ANO9: variants seen among roughly 807,000 people sequenced by gnomAD.
The protein encoded by ANO9 is anoctamin 9.
Under a neutral mutation model 100.5 loss-of-function variants are expected in ANO9, and 80 were observed. The observed-to-expected ratio is 0.80, with a 90% CI of 0.66 to 0.96. The LOEUF (loss-of-function observed/expected upper bound fraction) is 0.96, where lower values mean the gene tolerates loss of function less well. Ranked by LOEUF, ANO9 falls within the 40% of genes least tolerant of loss-of-function variation. The pLI, the probability that ANO9 is intolerant of heterozygous loss-of-function variation, is 0.00. For synonymous variants in ANO9, 473 were observed against 435.6 expected (o/e 1.09, Z -1.07); for missense variants, 1,064 against 1,072.7 (o/e 0.99, Z 0.11).
At position 432,211 on chromosome 11, in the gene ANO9, C is replaced by T; in HGVS notation, c.351-157G>A. On this transcript the variant is annotated intron_variant, in intron 4 of 22. Coordinates refer to ENST00000332826, the MANE Select transcript of ANO9 (RefSeq NM_001012302.3). The surrounding 1 kb of genome is among the most constrained non-coding windows in gnomAD (Gnocchi z 4.8). Reference sequence around the variant, plus strand: ...CCAGAGCCCAGAATCCACAACTCACCCGGGAGCCCACCCCGCACCCTCCTT... The same window carrying T: ...CCAGAGCCCAGAATCCACAACTCACTCGGGAGCCCACCCCGCACCCTCCTT... The T allele has an allele frequency of 1.3e-6, 1 of 768,016 alleles. No homozygotes were observed. The highest frequency in any genetic ancestry group is 2.5e-5 in the Admixed American group (1 of 39,410). The allele number at this position is 768,016 out of a possible 1,614,324, so 47.6% of individuals were successfully genotyped here.
In ANO9 at chr11:432,369, C is replaced by G. The variant is rs1017931338; in HGVS notation, c.351-315G>C. 4.4e-6 allele frequency: 2 copies of G among 455,562 alleles called. No homozygotes were observed. Among genetic ancestry groups the G allele is most frequent in the Non-Finnish European group, 8.1e-6 (2 of 246,896 alleles). The allele number at this position is 455,562 out of a possible 1,614,324, so 28.2% of individuals were successfully genotyped here. On this transcript the variant is annotated intron_variant, in intron 4 of 22. Transcript: ENST00000332826. This position sits in a 1 kb window ranked among gnomAD's most constrained non-coding sequence, Gnocchi z 4.8. ...CACCTGCAACCACACCTCCCACCTGCGGGCCCCATGTGTCCAGAGCACACC... is the reference window on the plus strand; with the variant it reads ...CACCTGCAACCACACCTCCCACCTGGGGGCCCCATGTGTCCAGAGCACACC...
intron 1 of ANO9, among the ~76,000 whole-genome samples, chr11:435,106 A>G (rs577274227): frequency 1.3e-5 from 2 of 152,298 alleles, no homozygotes; most frequent in Admixed American, 1.3e-4. Context: ...GTAGTGTAGT[A>G]TAGGATAGCA....
intron 11 of ANO9, 147 bp from the exon 12 acceptor site, chr11:428,973 G>T (rs930762113): frequency 1.4e-6 from 1 of 730,822 alleles, no homozygotes; most frequent in African/African-American, 1.9e-5. Flanking sequence ...CACCCCACAC[G>T]TGGGGAGACA....
At chr11:427,364 G>C (rs551542916) in intron 15 of ANO9, among the ~76,000 whole-genome samples, 88 of 152,044 alleles carry the variant, frequency 5.8e-4, no homozygotes, top group Non-Finnish European at 7.9e-4. Flanking sequence ...AAAAAGTAAA[G>C]CTGCAGCCAG....
At chr11:419,441 C>T in intron 20 of ANO9, 141 bp downstream of exon 20, 3 of 1,438,882 alleles carry the variant, frequency 2.1e-6, no homozygotes, top group South Asian at 3.0e-5. Flanking sequence ...GCAGGGGCCA[C>T]CCCCAGGCCC....
At chr11:429,126 T>A in intron 11 of ANO9, among the ~76,000 whole-genome samples, 1 of 115,032 alleles carries the variant, frequency 8.7e-6, no homozygotes, top group Admixed American at 9.6e-5. Context: ...GGGACATGCC[T>A]CATGGGTGGA....
chr11:435,286 C>CTAGTA (rs959377651), intron 1 of ANO9, among the ~76,000 whole-genome samples: 324 of 122,772 alleles, frequency 2.6e-3, no homozygotes, highest in African/African-American at 0.01. Context: ...CTAGTCTAGT[C>CTAGTA]TAGCATAGCA....
rs751770773 is a variant in ANO9, at chr11:431,785, G to C, written c.466-18C>G. On this transcript the variant is annotated intron_variant, in intron 6 of 22. Coordinates refer to ENST00000332826, the MANE Select transcript of ANO9 (RefSeq NM_001012302.3). ...CCCTCCCCCTGGCTCGGGTGACAGA[G>C]AGTGAGAGCCCCCATCCCAGGGTCC... The C allele has an allele frequency of 3.5e-5, 57 of 1,612,304 alleles. No homozygotes were observed. The highest frequency in any genetic ancestry group is 4.4e-5 in the Non-Finnish European group (52 of 1,179,558).
intron 15 of ANO9, among the ~76,000 whole-genome samples, chr11:427,101 AGCATCTACAGG>A (rs1026365653): frequency 2.6e-5 from 4 of 152,196 alleles, no homozygotes; most frequent in African/African-American, 9.6e-5. Context: ...GTCAAGAACC[AGCATCTACAGG>A]GCCAGACGTG....
At chr11:425,272 T>C (rs1023242921) in intron 15 of ANO9, among the ~76,000 whole-genome samples, 1 of 4,586 alleles carries the variant, frequency 2.2e-4, no homozygotes, top group Non-Finnish European at 4.5e-4. Flanking sequence ...AAAGGCGGCG[T>C]GGAGAGACGG....
intron 1 of ANO9, 56 bp downstream of exon 1, chr11:441,865 G>A: frequency 2.5e-6 from 4 of 1,590,250 alleles, no homozygotes; most frequent in Non-Finnish European, 3.4e-6. Flanking sequence ...GGGGCCCCAG[G>A]TGTGGGCGTG....
chr11:430,160 G>T lies in ANO9; in HGVS notation c.694C>A (p.His232Asn). Residue 232 changes from histidine (H) to asparagine (N), a missense_variant, in exon 9 of 23, where the codon CAC (histidine) becomes AAC (asparagine). By Grantham distance (68) the His-to-Asn change is moderately conservative (BLOSUM62 1). Coordinates refer to ENST00000332826, the MANE Select transcript of ANO9 (RefSeq NM_001012302.3). ...CCGAGGGGACACATGAGGATGTCGT[G>T]GGCCTCACAGATCTCCTTGCTGAAG... The part of the protein sequence containing the change: ...SQISKEICEA[H>N]DILMCPLGDH... The T allele has an allele frequency of 6.4e-7, 1 of 1,552,568 alleles. No homozygotes were observed. Among genetic ancestry groups the T allele is most frequent in the Non-Finnish European group, 8.7e-7 (1 of 1,148,440 alleles).
At position 430,418 on chromosome 11, in the gene ANO9, G is replaced by A. The variant is rs776372920; in HGVS notation, c.540-15C>T. 1.5e-5 allele frequency: 22 copies of A among 1,488,998 alleles called. No individual in the cohort carries two copies. Among genetic ancestry groups the A allele is most frequent in the Middle Eastern group, 3.6e-4 (2 of 5,554 alleles). The allele number at this position is 1,488,998 out of a possible 1,614,324, so 92.2% of individuals were successfully genotyped here. A position where few individuals can be genotyped will look rare whatever the true frequency, so the allele number is the denominator to read the frequency against. ...CAAAGTAGTTCCTGCAGGCAGCAGGGGTCAAGGCCAGCTGTCAGGGGGCGG... is the reference window on the plus strand; with the variant it reads ...CAAAGTAGTTCCTGCAGGCAGCAGGAGTCAAGGCCAGCTGTCAGGGGGCGG... On this transcript the variant is annotated splice_polypyrimidine_tract_variant and intron_variant, in intron 7 of 22. Coordinates refer to ENST00000332826, the MANE Select transcript of ANO9 (RefSeq NM_001012302.3).
intron 15 of ANO9, 102 bp downstream of exon 15, chr11:427,986 C>T: frequency 1.3e-5 from 1 of 79,184 alleles, no homozygotes; most frequent in Non-Finnish European, 1.8e-5. Context: ...TTGCTCTCAG[C>T]AGAAATTACT....
At chr11:430,024 G>C in intron 9 of ANO9, 59 bp downstream of exon 9, 3 of 1,514,102 alleles carry the variant, frequency 2.0e-6, no homozygotes, top group South Asian at 1.2e-5. Flanking sequence ...CCCCCGCTTC[G>C]GGTGGATGCA....
At chr11:425,657 T>A (rs1254441266) in intron 15 of ANO9, among the ~76,000 whole-genome samples, 1 of 150,646 alleles carries the variant, frequency 6.6e-6, no homozygotes, top group Admixed American at 6.6e-5. Context: ...GGAAAAAAAA[T>A]ACAATGATCA....
Position 419,819 on chromosome 11 carries a change from C to T in ANO9, c.1787-90G>A, listed in dbSNP as rs368488629. On this transcript the variant is annotated intron_variant, in intron 19 of 22. Coordinates refer to ENST00000332826, the MANE Select transcript of ANO9 (RefSeq NM_001012302.3). ...CACCCCCGGCCAACACGGGGCCTGC[C>T]GTGTCTCTGTGCGTGGTGTCCCCTT... 9 of 1,554,986 alleles carry T rather than the reference C, an allele frequency of 5.8e-6. 2 individuals carry two copies. Among genetic ancestry groups the T allele is most frequent in the Middle Eastern group, 4.6e-4 (2 of 4,334 alleles).
Position 433,914 on chromosome 11 carries a change from G to A in ANO9, c.105C>T (p.Asp35=), listed in dbSNP as rs1295804489. The A allele has an allele frequency of 2.6e-6, 4 of 1,563,618 alleles. No homozygotes were observed. The highest frequency in any genetic ancestry group is 2.6e-6 in the Non-Finnish European group (3 of 1,154,010). Residue 35 remains aspartate, a synonymous_variant, in exon 3 of 23, where the codon GAC becomes GAT. Transcript: ENST00000332826. ...TCETEASEQW[D]YVLVAQRHTQ... ...TGTGACGTTGGGCCACGAGGACATA[G>A]TCCCACTGCTCGGAGGCCTCGGTCT...
chr11:439,470 C>T (rs1845673934), intron 1 of ANO9, among the ~76,000 whole-genome samples: 1 of 151,956 alleles, frequency 6.6e-6, no homozygotes, highest in African/African-American at 2.4e-5. Flanking sequence ...TCCTGAGAGG[C>T]CTGGCCAGGG....
Sources: gnomAD v4.1 joint callset for allele counts (sites outside exome capture counted in the v4.1 genomes callset) on GRCh38, gnomAD v4.1.1 for gene constraint, Gnocchi (gnomAD v3.1) non-coding constraint, MANE v1.5 for transcripts, NCBI Gene and HGNC (gene_info 2026-07-23, HGNC 2026-07-21) for gene names.